The following SYT7 variants were observed in gnomAD, a reference collection of about 807,000 sequenced individuals.
SYT7 encodes synaptotagmin-7.
Under a neutral mutation model 75.1 loss-of-function variants are expected in SYT7, and 29 were observed. The ratio of observed to expected loss-of-function variants is 0.39; its 90% CI spans 0.29 to 0.53. SYT7 has a LOEUF of 0.53. SYT7 is among the 20% of genes least tolerant of loss of function. SYT7 has a pLI of 0.77. For synonymous variants in SYT7, 376 were observed against 401.7 expected, an observed-to-expected ratio of 0.94 and a Z score of 0.76; for missense variants, 693 against 953.2, an observed-to-expected ratio of 0.73 and a Z score of 3.59.
intron 1 of SYT7, among the ~76,000 whole-genome samples, chr11:61,558,626 ATTAAG>A (rs892299234): frequency 6.6e-6 from 1 of 152,128 alleles, no homozygotes; most frequent in African/African-American, 2.4e-5. Flanking sequence ...ACAGGTTAGA[ATTAAG>A]TTATCTCCTA....
Position 61,524,630 on chromosome 11 carries a change from G to A in SYT7, c.1472-98C>T, listed in dbSNP as rs1370323746. 4 of 1,261,752 alleles carry A rather than the reference G, an allele frequency of 3.2e-6. No individual in the cohort carries two copies. Among genetic ancestry groups the A allele is most frequent in the Non-Finnish European group, 4.3e-6 (4 of 920,830 alleles). The allele number at this position is 1,261,752 out of a possible 1,614,324, so 78.2% of individuals were successfully genotyped here. A position where few individuals can be genotyped will look rare whatever the true frequency, so the allele number is the denominator to read the frequency against. ...CCTGGGAAGAGGAGGCAGGCCCTGT[G>A]CCCTCCCGCTGCCACCCCACCGGGC... On this transcript the variant is annotated intron_variant, in intron 9 of 12. Coordinates refer to ENST00000539008, the MANE Select transcript of SYT7 (RefSeq NM_001365809.2). The surrounding 1 kb of genome is among the most constrained non-coding windows in gnomAD (Gnocchi z 4.1).
At chr11:61,540,997 G>A in intron 6 of SYT7, 1 of 985,522 alleles carries the variant, frequency 1.0e-6, no homozygotes, top group Non-Finnish European at 1.2e-6. Flanking sequence ...AGAGTCACAG[G>A]CAGCATGTCT....
rs1046551 is a variant in SYT7, at chr11:61,515,527, T to G, written c.*3100A>C. The stretch of plus-strand genomic sequence containing the variant: ...TGCAAAATTTTTTTTTTTGTGATGG[T>G]GGGTTTTTGTTTTATTTTTTATAAA... On this transcript the variant is annotated 3_prime_UTR_variant, in exon 13 of 13. Transcript: ENST00000539008. 6 of 148,570 alleles carry G rather than the reference T, an allele frequency of 4.0e-5. No homozygotes were observed. Among genetic ancestry groups the G allele is most frequent in the Non-Finnish European group, 7.4e-5 (5 of 67,186 alleles). The allele number at this position is 148,570 out of a possible 1,614,324, so 9.2% of individuals were successfully genotyped here. A position where few individuals can be genotyped will look rare whatever the true frequency, so the allele number is the denominator to read the frequency against.
In SYT7 at chr11:61,553,932, G is replaced by A. The variant is rs901342028; in HGVS notation, c.135+2172C>T. 4.6e-5 allele frequency among the ~76,000 whole-genome samples: 7 copies of A among 152,148 alleles called. No homozygotes were observed. The South Asian group carries it at 1.4e-3, about 32-fold the overall frequency. On this transcript the variant is annotated intron_variant, in intron 2 of 12. Transcript: ENST00000539008. This position sits in a 1 kb window ranked among gnomAD's most constrained non-coding sequence, Gnocchi z 5.2. ...CTTCCATGGAGCAAGGAGACAGCCT[G>A]ATCAACGAGCTCCCTGGCTTCTGGA...
chr11:61,521,045 T>A (rs755300494), intron 12 of SYT7, among the ~76,000 whole-genome samples: 1 of 152,240 alleles, frequency 6.6e-6, no homozygotes, highest in Non-Finnish European at 1.5e-5. Context: ...TCCATCCTGC[T>A]GGAGCTGGTT....
intron 1 of SYT7, among the ~76,000 whole-genome samples, chr11:61,567,038 T>C (rs1372856167): frequency 6.6e-6 from 1 of 152,134 alleles, no homozygotes; most frequent in Non-Finnish European, 1.5e-5. Context: ...GGGAGTGCAT[T>C]TAATTTTTGC....
upstream of SYT7, among the ~76,000 whole-genome samples, chr11:61,581,427 G>A (rs1310671410): frequency 6.6e-6 from 1 of 152,172 alleles, no homozygotes; most frequent in Non-Finnish European, 1.5e-5. Flanking sequence ...ACCGGGCAGG[G>A]CCGCAGAGCC....
At chr11:61,562,846 A>G (rs2063673243) in intron 1 of SYT7, among the ~76,000 whole-genome samples, 1 of 151,688 alleles carries the variant, frequency 6.6e-6, no homozygotes, top group Non-Finnish European at 1.5e-5. Flanking sequence ...CCGACTCCCA[A>G]CTCCTTCTCA....
At position 61,576,568 on chromosome 11, in the gene SYT7, G is replaced by A. The variant is rs948609148; in HGVS notation, c.31+4222C>T. 2.6e-5 allele frequency among the ~76,000 whole-genome samples: 4 copies of A among 152,286 alleles called. No individual in the cohort carries two copies. Among genetic ancestry groups the A allele is most frequent in the East Asian group, 1.9e-4 (1 of 5,192 alleles). On this transcript the variant is annotated intron_variant, in intron 1 of 12. Coordinates refer to ENST00000539008, the MANE Select transcript of SYT7 (RefSeq NM_001365809.2). The surrounding 1 kb of genome is among the most constrained non-coding windows in gnomAD (Gnocchi z 4.1). ...TCATCAGCTCCGGACTGGGCCTCCC[G>A]CCCCCACGTGACCCCTCCCAGCTCT...
intron 8 of SYT7, 40 bp from the exon 9 acceptor site, chr11:61,528,225 TCTGCTTC>T: frequency 6.3e-7 from 1 of 1,597,234 alleles, no homozygotes; most frequent in Non-Finnish European, 8.5e-7. Context: ...TGGGGAGGAT[TCTGCTTC>T]CCCCATGTCC....
rs138264335 is a variant in SYT7 at position 61,516,895 on chromosome 11, A to G, written c.*1732T>C. The G allele has an allele frequency of 1.8e-3, 362 of 200,346 alleles. No individual in the cohort carries two copies. Among genetic ancestry groups the G allele is most frequent in the Middle Eastern group, 8.5e-3 (5 of 590 alleles). The allele number at this position is 200,346 out of a possible 1,614,324, so 12.4% of individuals were successfully genotyped here. A position where few individuals can be genotyped will look rare whatever the true frequency, so the allele number is the denominator to read the frequency against. ...TTTCAGAAAATTTCGGTATGGGCAA[A>G]AGGCGACCCGTCTACTGCAGCAAGC... On this transcript the variant is annotated 3_prime_UTR_variant, in exon 13 of 13. Coordinates refer to ENST00000539008, the MANE Select transcript of SYT7 (RefSeq NM_001365809.2). This position sits in a 1 kb window ranked among gnomAD's most constrained non-coding sequence, Gnocchi z 4.6.
At chr11:61,587,431 T>TCTGAGG in the SYT7 span, among the ~76,000 whole-genome samples, 1 of 152,220 alleles carries the variant, frequency 6.6e-6, no homozygotes, top group East Asian at 1.9e-4. Flanking sequence ...TGTTTCCAGG[T>TCTGAGG]CTGAGGCTGA....
At chr11:61,560,876 G>A (rs528109493) in intron 1 of SYT7, among the ~76,000 whole-genome samples, 10 of 152,218 alleles carry the variant, frequency 6.6e-5, no homozygotes, top group African/African-American at 1.7e-4. Flanking sequence ...CTTCCTGGAC[G>A]GGCATTGTTA....
In SYT7 at chr11:61,576,048, G is replaced by A. The variant is rs1189916281; in HGVS notation, c.31+4742C>T. ...CTGCAGAGACTCCCCAGAGCAGGCC[G>A]GATGCACCTGCCCGCCTTCCAACCA... On this transcript the variant is annotated intron_variant, in intron 1 of 12. Transcript: ENST00000539008. This position sits in a 1 kb window ranked among gnomAD's most constrained non-coding sequence, Gnocchi z 4.1. Among the ~76,000 whole-genome samples, 3 of 152,178 alleles carry A rather than the reference G, an allele frequency of 2.0e-5. No individual in the cohort carries two copies. The highest frequency in any genetic ancestry group is 2.1e-4 in the South Asian group (1 of 4,830).
In SYT7 at chr11:61,516,486, G is replaced by C. The variant is rs1390814273; in HGVS notation, c.*2141C>G. 1 of 152,168 alleles carries C rather than the reference G, an allele frequency of 6.6e-6. No homozygotes were observed. The highest frequency in any genetic ancestry group is 6.5e-5 in the Admixed American group (1 of 15,284). The allele number at this position is 152,168 out of a possible 1,614,324, so 9.4% of individuals were successfully genotyped here. ...GAAGGCGCCTGGAAGGTGGGGGCTG[G>C]CTCACTGGGCGGTCTTCCGCGGGGC... On this transcript the variant is annotated 3_prime_UTR_variant, in exon 13 of 13. Transcript: ENST00000539008. The surrounding 1 kb of genome is among the most constrained non-coding windows in gnomAD (Gnocchi z 4.6).
intron 8 of SYT7, among the ~76,000 whole-genome samples, chr11:61,530,542 G>A (rs1022732520): frequency 3.9e-5 from 6 of 152,146 alleles, no homozygotes; most frequent in South Asian, 2.1e-4. Flanking sequence ...GTTCTGCCCC[G>A]CGACCTGACC....
chr11:61,528,947 C>G (rs1565170924), intron 8 of SYT7, among the ~76,000 whole-genome samples: 1 of 152,176 alleles, frequency 6.6e-6, no homozygotes, highest in South Asian at 2.1e-4. Context: ...GACAGTCACA[C>G]AGAGGCAGGG....
At position 61,580,722 on chromosome 11, in the gene SYT7, G is replaced by A; in HGVS notation, c.31+68C>T. 4 of 1,081,464 alleles carry A rather than the reference G, an allele frequency of 3.7e-6. No homozygotes were observed. Among genetic ancestry groups the A allele is most frequent in the African/African-American group, 1.6e-5 (1 of 60,856 alleles). The allele number at this position is 1,081,464 out of a possible 1,614,324, so 67.0% of individuals were successfully genotyped here. ...CAGCCCCAGGCTGGGGCTCCGAGACGGCGTCCGGCGCTGCCGCTGTCCTGC... is the reference window on the plus strand; with the variant it reads ...CAGCCCCAGGCTGGGGCTCCGAGACAGCGTCCGGCGCTGCCGCTGTCCTGC... On this transcript the variant is annotated intron_variant, in intron 1 of 12. Coordinates refer to ENST00000539008, the MANE Select transcript of SYT7 (RefSeq NM_001365809.2). The surrounding 1 kb of genome is among the most constrained non-coding windows in gnomAD (Gnocchi z 6.1).
At chr11:61,569,469 C>T (rs77165164) in intron 1 of SYT7, among the ~76,000 whole-genome samples, 5,290 of 152,094 alleles carry the variant, frequency 0.035, 313 homozygotes, top group African/African-American at 0.12. Context: ...CTGAACATGT[C>T]CATGCAGAGT....
Sources: allele counts gnomAD v4.1 joint callset (sites outside exome capture counted in the v4.1 genomes callset), GRCh38; gene constraint gnomAD v4.1.1; non-coding constraint Gnocchi (gnomAD v3.1); transcripts MANE v1.5; gene names NCBI Gene and HGNC (gene_info 2026-07-23, HGNC 2026-07-21).